The following CFAP69 variants were observed in gnomAD, a reference collection of about 807,000 sequenced individuals.
The protein encoded by CFAP69 is cilia- and flagella-associated protein 69.
CFAP69 carries 92 observed loss-of-function variants against 123.0 expected under a neutral mutation model. The ratio of observed to expected loss-of-function variants is 0.75; its 90% CI spans 0.63 to 0.89. The LOEUF (loss-of-function observed/expected upper bound fraction) is 0.89. Ranked by LOEUF, CFAP69 falls within the 40% of genes least tolerant of loss-of-function variation. The pLI is 0.00. For missense variants in CFAP69, 1,067 were observed against 1,096.9 expected (o/e 0.97, Z 0.39); for synonymous variants, 380 against 364.3 (o/e 1.04, Z -0.49).
chr7:90,295,491 G>A (rs1415099559), intron 15 of CFAP69, among the ~76,000 whole-genome samples: 2 of 152,154 alleles, frequency 1.3e-5, no homozygotes, highest in Non-Finnish European at 2.9e-5. Flanking sequence ...GCTTTCTTCA[G>A]TATCGTCCCT....
In CFAP69 at chr7:90,310,737, T is replaced by C. The variant is rs1424239622; in HGVS notation, c.*499T>C. 6.6e-6 allele frequency: 1 copy of C among 152,484 alleles called. No homozygotes were observed. Among genetic ancestry groups the C allele is most frequent in the African/African-American group, 2.4e-5 (1 of 41,468 alleles). 9.4% of individuals were successfully genotyped at this position (152,484 alleles called of 1,614,324 possible). A position where few individuals can be genotyped will look rare whatever the true frequency, so the allele number is the denominator to read the frequency against. On this transcript the variant is annotated 3_prime_UTR_variant, in exon 23 of 23. Transcript: ENST00000389297. ...TGCCTATGCATCTCAGGACCCCTGA[T>C]TGCCCACATGCCTACGGTAGTCCTG... is the stretch of plus-strand genomic sequence containing the variant.
At chr7:90,292,784 A>C (rs1290536060) in intron 15 of CFAP69, among the ~76,000 whole-genome samples, 1 of 152,202 alleles carries the variant, frequency 6.6e-6, no homozygotes, top group East Asian at 1.9e-4. Flanking sequence ...TTTAGTCCAC[A>C]AAATTAATTT....
In CFAP69 at chr7:90,277,225, A is replaced by G. The variant is rs1270142213; in HGVS notation, c.1046A>G (p.Asn349Ser). The G allele has an allele frequency of 6.3e-7, 1 of 1,588,362 alleles. No homozygotes were observed. Among genetic ancestry groups the G allele is most frequent in the Admixed American group, 1.9e-5 (1 of 53,236 alleles). ...TTTTCCCTCACAGTTAAAAGTCAAA[A>G]TCTTTTGGTAAAAGGACTTAAGCTT... ...FATFNEVKSQNLLVKGLKLSN... is the reference protein window; with the variant it reads ...FATFNEVKSQSLLVKGLKLSN... The change falls in exon 11 of 23, where the codon AAT (asparagine) becomes AGT (serine). Residue 349 changes from asparagine to serine, a missense_variant. Transcript: ENST00000389297.
At chr7:90,251,678 A>C (rs1422065720) in intron 1 of CFAP69, among the ~76,000 whole-genome samples, 2 of 152,078 alleles carry the variant, frequency 1.3e-5, no homozygotes, top group African/African-American at 4.8e-5. Flanking sequence ...AACAAAAAAA[A>C]CCTACTAATA....
At chr7:90,294,525 T>C (rs1240845651) in intron 15 of CFAP69, among the ~76,000 whole-genome samples, 1 of 152,176 alleles carries the variant, frequency 6.6e-6, no homozygotes, top group African/African-American at 2.4e-5. Context: ...AAGCCAGGAA[T>C]TGAACCCTGG....
chr7:90,251,901 TA>T (rs1474047507), intron 1 of CFAP69: 1 of 152,180 alleles, frequency 6.6e-6, no homozygotes, highest in Non-Finnish European at 1.5e-5. Context: ...ACACAAATAT[TA>T]GAAAGAAAAT....
At chr7:90,249,013 C>T (rs1010513781) in intron 1 of CFAP69, among the ~76,000 whole-genome samples, 7 of 152,184 alleles carry the variant, frequency 4.6e-5, no homozygotes, top group African/African-American at 1.7e-4. Flanking sequence ...ATTAATGACT[C>T]TAGTCATAAC....
chr7:90,283,415 A>T (rs17867312), intron 13 of CFAP69, among the ~76,000 whole-genome samples: 6 of 152,206 alleles, frequency 3.9e-5, no homozygotes, highest in Non-Finnish European at 8.8e-5. Context: ...ATTCCAATGC[A>T]TGTGTCATAA....
At chr7:90,314,607 T>C (rs1584585215), downstream of CFAP69, among the ~76,000 whole-genome samples, 3 of 148,236 alleles carry the variant, frequency 2.0e-5, no homozygotes, top group South Asian at 4.3e-4. Flanking sequence ...AGCAAGACCC[T>C]GCCAAAAAAA....
downstream of CFAP69, among the ~76,000 whole-genome samples, chr7:90,313,476 C>T (rs1222229039): frequency 2.0e-5 from 3 of 152,110 alleles, no homozygotes; most frequent in African/African-American, 4.8e-5. Context: ...GACCCAATAC[C>T]CCAACTTTGG....
chr7:90,303,121 C>T (rs1355929452), intron 17 of CFAP69: 1 of 152,052 alleles, frequency 6.6e-6, no homozygotes, highest in African/African-American at 2.4e-5. Flanking sequence ...GTTGGCTTGG[C>T]TGTTGTTGGT....
chr7:90,306,763 T>C, intron 19 of CFAP69, 138 bp from the exon 20 acceptor site: 1 of 639,490 alleles, frequency 1.6e-6, no homozygotes, highest in Non-Finnish European at 2.8e-6. Context: ...TCATTCCCAA[T>C]GCACTTATTC....
Position 90,262,037 on chromosome 7 carries a change from G to T in CFAP69, c.337G>T (p.Asp113Tyr). 6.3e-7 allele frequency: 1 copy of T among 1,588,714 alleles called. No individual in the cohort carries two copies. Among genetic ancestry groups the T allele is most frequent in the South Asian group, 1.2e-5 (1 of 86,106 alleles). Residue 113 changes from aspartate (D) to tyrosine (Y), a missense_variant, in exon 4 of 23, where the codon GAT becomes TAT. By Grantham distance (160) the Asp-to-Tyr change is radical. Coordinates refer to ENST00000389297, the MANE Select transcript of CFAP69 (RefSeq NM_001039706.3). The part of the protein sequence containing the change: ...NQPRFIESAY[D>Y]IIKLCGLPFL... ...GCCTCGTTTTATAGAATCTGCATAT[G>T]ATATCATAAAACTGTGTGGGTAAGT...
At chr7:90,277,402 T>A in intron 11 of CFAP69, 68 bp downstream of exon 11, 2 of 1,230,620 alleles carry the variant, frequency 1.6e-6, no homozygotes, top group Non-Finnish European at 2.2e-6. Flanking sequence ...TATTTTAAAG[T>A]CTTGACTGTA....
At chr7:90,295,662 G>A (rs538339003) in intron 15 of CFAP69, among the ~76,000 whole-genome samples, 17 of 152,262 alleles carry the variant, frequency 1.1e-4, no homozygotes, top group South Asian at 8.3e-4. Flanking sequence ...TGGATCAGGC[G>A]CAGAAAATAA....
chr7:90,265,274 T>C lies in CFAP69; in HGVS notation c.357-27T>C. The C allele has an allele frequency of 2.1e-6, 3 of 1,451,850 alleles. No individual in the cohort carries two copies. In the South Asian group the frequency reaches 3.5e-5, roughly 17 times the overall value. 89.9% of individuals were successfully genotyped at this position (1,451,850 alleles called of 1,614,324 possible). On this transcript the variant is annotated intron_variant, in intron 4 of 22. Coordinates refer to ENST00000389297, the MANE Select transcript of CFAP69 (RefSeq NM_001039706.3). ...AATTAAAGACTTTATTAAAAATTACTGTTACAATTCTTCATTCTTATTGAA... is the reference window on the plus strand; with the variant it reads ...AATTAAAGACTTTATTAAAAATTACCGTTACAATTCTTCATTCTTATTGAA...
At chr7:90,253,774 A>AT (rs1196492828) in intron 1 of CFAP69, among the ~76,000 whole-genome samples, 1 of 151,932 alleles carries the variant, frequency 6.6e-6, no homozygotes, top group African/African-American at 2.4e-5. Context: ...ATTTTCTCCC[A>AT]TTTTTTGGGT....
chr7:90,274,177 AT>A, intron 9 of CFAP69, 67 bp downstream of exon 9: 1 of 1,541,348 alleles, frequency 6.5e-7, no homozygotes, highest in Non-Finnish European at 8.8e-7. Flanking sequence ...AAGAAGTCCT[AT>A]ATTATGTTGG....
At position 90,262,049 on chromosome 7, in the gene CFAP69, C is replaced by T. The variant is rs1798401905; in HGVS notation, c.349C>T (p.Leu117=). 3 of 1,567,490 alleles carry T rather than the reference C, an allele frequency of 1.9e-6. No homozygotes were observed. The highest frequency in any genetic ancestry group is 2.6e-6 in the Non-Finnish European group (3 of 1,153,216). Residue 117 remains leucine (L), a synonymous_variant, in exon 4 of 23, where the codon CTG becomes TTG. Coordinates refer to ENST00000389297, the MANE Select transcript of CFAP69 (RefSeq NM_001039706.3). ...AGAATCTGCATATGATATCATAAAA[C>T]TGTGTGGGTAAGTTATCTTTCTTTA... ...FIESAYDIIK[L]CGLPFLKKKV...
Sources: allele counts gnomAD v4.1 joint callset (sites outside exome capture counted in the v4.1 genomes callset), GRCh38; gene constraint gnomAD v4.1.1; transcripts MANE v1.5; gene names NCBI Gene and HGNC (gene_info 2026-07-23, HGNC 2026-07-21).